CCDC7: variants seen among roughly 807,000 people sequenced by gnomAD.
CCDC7 encodes coiled-coil domain-containing protein 7.
In CCDC7, 183 loss-of-function variants were observed where a neutral mutation model predicts 196.9. The observed-to-expected ratio is 0.93, with a 90% CI of 0.82 to 1.05. The LOEUF is 1.05. Ranked by LOEUF, CCDC7 falls within the 50% of genes least tolerant of loss-of-function variation. The pLI is 0.00. For missense variants in CCDC7, 1,540 were observed against 1,482.2 expected, an observed-to-expected ratio of 1.04 and a Z score of -0.64; for synonymous variants, 525 against 484.6, an observed-to-expected ratio of 1.08 and a Z score of -1.10.
intron 28 of CCDC7, among the ~76,000 whole-genome samples, chr10:32,776,033 A>G (rs1213114855): frequency 6.1e-5 from 9 of 148,102 alleles, no homozygotes; most frequent in Non-Finnish European, 1.3e-4. Flanking sequence ...TCGCAAGAAC[A>G]AAAAACCAAA....
intron 21 of CCDC7, among the ~76,000 whole-genome samples, chr10:32,676,394 C>T (rs2074978638): frequency 6.6e-6 from 1 of 151,808 alleles, no homozygotes; most frequent in Admixed American, 6.6e-5. Context: ...TGAAGAGCTT[C>T]TGTACAGCAA....
chr10:32,814,311 G>C, intron 30 of CCDC7, 59 bp from the exon 32 acceptor site: 1 of 1,183,196 alleles, frequency 8.5e-7, no homozygotes, highest in South Asian at 1.2e-5. Context: ...CACTCACACT[G>C]TCACATTTGT....
intron 26 of CCDC7, among the ~76,000 whole-genome samples, chr10:32,728,677 A>C (rs1431336828): frequency 6.6e-6 from 1 of 152,204 alleles, no homozygotes; most frequent in Non-Finnish European, 1.5e-5. Flanking sequence ...TGAATCCTGG[A>C]GACCAATATA....
intron 20 of CCDC7, among the ~76,000 whole-genome samples, chr10:32,656,465 T>G (rs1400661066): frequency 6.6e-6 from 1 of 152,160 alleles, no homozygotes; most frequent in Non-Finnish European, 1.5e-5. Flanking sequence ...AAACTTACAA[T>G]CATGGCAGAA....
intron 13 of CCDC7, among the ~76,000 whole-genome samples, chr10:32,548,621 T>A (rs2052917552): frequency 6.6e-6 from 1 of 152,214 alleles, no homozygotes; most frequent in Non-Finnish European, 1.5e-5. Flanking sequence ...CTAAAACCTT[T>A]GAAGAGGAAT....
chr10:32,682,890 A>G (rs2076025623), intron 21 of CCDC7, among the ~76,000 whole-genome samples: 2 of 152,210 alleles, frequency 1.3e-5, no homozygotes, highest in South Asian at 2.1e-4. Context: ...GATTCTGGAT[A>G]TTACACCTTT....
intron 18 of CCDC7, among the ~76,000 whole-genome samples, chr10:32,595,910 A>G (rs888092317): frequency 1.3e-5 from 2 of 152,080 alleles, no homozygotes; most frequent in South Asian, 2.1e-4. Context: ...CTGAGAGACA[A>G]TTTGTTATAA....
At chr10:32,831,332 A>G (rs2092139896) in intron 32 of CCDC7, among the ~76,000 whole-genome samples, 1 of 152,190 alleles carries the variant, frequency 6.6e-6, no homozygotes, top group African/African-American at 2.4e-5. Context: ...CAGTGAGTGA[A>G]TGCAAAGGTC....
chr10:32,759,522 G>A (rs1362008031), intron 28 of CCDC7, among the ~76,000 whole-genome samples: 1 of 152,036 alleles, frequency 6.6e-6, no homozygotes, highest in Non-Finnish European at 1.5e-5. Flanking sequence ...AAATGGTGCT[G>A]GGAAAACTGG....
At chr10:32,486,537 A>C (rs1188183924) in intron 8 of CCDC7, among the ~76,000 whole-genome samples, 9 of 80,258 alleles carry the variant, frequency 1.1e-4, no homozygotes, top group African/African-American at 3.7e-4. Context: ...TGATCATGTC[A>C]TTATGATGTT....
At chr10:32,667,961 G>A (rs954676746) in intron 21 of CCDC7, among the ~76,000 whole-genome samples, 11 of 152,056 alleles carry the variant, frequency 7.2e-5, no homozygotes, top group Non-Finnish European at 1.6e-4. Context: ...ACCTTGGGCA[G>A]TATGGCCATT....
intron 18 of CCDC7, among the ~76,000 whole-genome samples, chr10:32,607,248 G>A (rs2061647134): frequency 6.6e-6 from 1 of 152,148 alleles, no homozygotes; most frequent in African/African-American, 2.4e-5. Flanking sequence ...CATGCTTCCT[G>A]TACAGCCTGC....
Position 32,653,031 on chromosome 10 carries a change from G to T in CCDC7, c.2015-11023G>T, listed in dbSNP as rs185766624. Among the ~76,000 whole-genome samples, 555 of 152,282 alleles carry T rather than the reference G, an allele frequency of 3.6e-3. 5 individuals carry two copies. The highest frequency in any genetic ancestry group is 0.013 in the African/African-American group (526 of 41,548). ...CACCTTTTGTTTGTCTAGGAAAGTC[G>T]TTATCTTCCCTTCATGTTAGAAGGA... is the stretch of plus-strand genomic sequence containing the variant. On this transcript the variant is annotated intron_variant, in intron 20 of 41. Transcript: ENST00000639629.
intron 8 of CCDC7, among the ~76,000 whole-genome samples, chr10:32,485,605 A>T (rs1437903600): frequency 6.6e-6 from 1 of 152,042 alleles, no homozygotes. Context: ...CATTTTAGAG[A>T]TCTTTCCTGC....
intron 5 of CCDC7, among the ~76,000 whole-genome samples, chr10:32,466,985 G>T (rs1028905270): frequency 3.3e-5 from 5 of 151,998 alleles, no homozygotes; most frequent in African/African-American, 9.7e-5. Context: ...GTATGAGGTG[G>T]TATCTCATTG....
chr10:32,741,162 TA>T (rs1410088439), intron 28 of CCDC7, among the ~76,000 whole-genome samples: 1 of 152,144 alleles, frequency 6.6e-6, no homozygotes, highest in Non-Finnish European at 1.5e-5. Context: ...CTCAATAAAT[TA>T]TTTTTTCCTA....
chr10:32,565,214 G>T (rs923541570), intron 13 of CCDC7, among the ~76,000 whole-genome samples: 1 of 152,174 alleles, frequency 6.6e-6, no homozygotes, highest in African/African-American at 2.4e-5. Context: ...TTTGCACAAA[G>T]CCAGAACAAT....
At chr10:32,492,427 A>G (rs1359641824) in intron 9 of CCDC7, among the ~76,000 whole-genome samples, 1 of 152,170 alleles carries the variant, frequency 6.6e-6, no homozygotes, top group Admixed American at 6.5e-5. Context: ...TAGCCAAAAG[A>G]TGGAAGCAAC....
At chr10:32,827,986 A>G (rs778255660) in intron 32 of CCDC7, among the ~76,000 whole-genome samples, 3 of 152,104 alleles carry the variant, frequency 2.0e-5, no homozygotes, top group Non-Finnish European at 4.4e-5. Flanking sequence ...TTTATCATCT[A>G]TTCTCTCTAA....
Sources: gnomAD v4.1 joint callset for allele counts (sites outside exome capture counted in the v4.1 genomes callset) on GRCh38, gnomAD v4.1.1 for gene constraint, MANE v1.5 for transcripts, NCBI Gene and HGNC (gene_info 2026-07-23, HGNC 2026-07-21) for gene names.